Variants in KIAA0040 observed in about 807,000 individuals in gnomAD.
KIAA0040 encodes uncharacterized protein KIAA0040.
A neutral mutation model predicts 7.2 loss-of-function variants in KIAA0040; 10 were observed. That is an observed-to-expected ratio of 1.38 (90% CI 0.85 to 2.34). The LOEUF (loss-of-function observed/expected upper bound fraction) is 2.34. KIAA0040 is among the 30% of genes most tolerant of loss of function. KIAA0040 has a pLI of 0.00. For missense variants in KIAA0040, 89 were observed against 108.2 expected (o/e 0.82, Z 0.79); for synonymous variants, 49 against 40.1 (o/e 1.22, Z -0.84).
chr1:175,170,402 T>C (rs1298535125), intron 2 of KIAA0040, among the ~76,000 whole-genome samples: 1 of 152,142 alleles, frequency 6.6e-6, no homozygotes, highest in Admixed American at 6.5e-5. Flanking sequence ...AATCTGAATG[T>C]AACGCGCACT....
intron 1 of KIAA0040, among the ~76,000 whole-genome samples, chr1:175,186,205 T>C (rs952347815): frequency 6.6e-6 from 1 of 152,166 alleles, no homozygotes; most frequent in Admixed American, 6.5e-5. Flanking sequence ...TTCACCTCAA[T>C]TAAAAAAATG....
chr1:175,185,268 G>A (rs939766204), intron 1 of KIAA0040, among the ~76,000 whole-genome samples: 7 of 152,166 alleles, frequency 4.6e-5, no homozygotes, highest in African/African-American at 1.7e-4. Context: ...ACCTGTAGTA[G>A]TACCTATTTT....
At chr1:175,165,955 A>C (rs1442733738) in intron 3 of KIAA0040, among the ~76,000 whole-genome samples, 1 of 152,240 alleles carries the variant, frequency 6.6e-6, no homozygotes, top group Non-Finnish European at 1.5e-5. Context: ...TGTCTGTGAG[A>C]CAGTAAATAC....
chr1:175,187,591 T>C (rs1677711544), intron 1 of KIAA0040, among the ~76,000 whole-genome samples: 1 of 152,160 alleles, frequency 6.6e-6, no homozygotes. Context: ...CAGCATTCTT[T>C]TCTCTTATTT....
At chr1:175,176,669 C>CTTTTTT (rs34859478) in intron 2 of KIAA0040, among the ~76,000 whole-genome samples, 1,313 of 27,468 alleles carry the variant, frequency 0.048, 451 homozygotes, top group Admixed American at 0.078. Flanking sequence ...AAGTAGCATG[C>CTTTTTT]TTTTTTTTTT....
At chr1:175,182,615 G>C (rs908911375) in intron 1 of KIAA0040, among the ~76,000 whole-genome samples, 1 of 152,166 alleles carries the variant, frequency 6.6e-6, no homozygotes, top group African/African-American at 2.4e-5. Context: ...TTCAGTCTAC[G>C]CTCTCACCCA....
chr1:175,159,276 C>T lies in KIAA0040; in HGVS notation c.*1438G>A, dbSNP rs999654990. 1 of 152,286 alleles carries T rather than the reference C, an allele frequency of 6.6e-6. No homozygotes were observed. The highest frequency in any genetic ancestry group is 1.5e-5 in the Non-Finnish European group (1 of 68,048). 9.4% of individuals were successfully genotyped at this position (152,286 alleles called of 1,614,324 possible). A position where few individuals can be genotyped will look rare whatever the true frequency, so the allele number is the denominator to read the frequency against. On this transcript the variant is annotated 3_prime_UTR_variant, in exon 4 of 4. Transcript: ENST00000423313. ...AAGCCCTCCTCAGCTCACTGTGGAT[C>T]TAATTTACATGTCCTCACATACCTC...
rs1281157676 is a variant in KIAA0040, at chr1:175,161,014, G to A, written c.-1C>T. ...TGAAGAAGGCACTGATTCTCTCCAT[G>A]GTGCTTGGCTAGATTAGGGCCAGAG... On this transcript the variant is annotated 5_prime_UTR_variant, in exon 4 of 4. Transcript: ENST00000423313. 2.6e-6 allele frequency: 4 copies of A among 1,549,030 alleles called. No individual in the cohort carries two copies. The African/African-American group carries it at 4.1e-5, about 16-fold the overall frequency.
rs1044919161 is a variant in KIAA0040, at chr1:175,159,935, G to A, written c.*779C>T. 3.3e-5 allele frequency: 5 copies of A among 153,138 alleles called. No individual in the cohort carries two copies. Among genetic ancestry groups the A allele is most frequent in the African/African-American group, 7.2e-5 (3 of 41,418 alleles). 9.5% of individuals were successfully genotyped at this position (153,138 alleles called of 1,614,324 possible). On this transcript the variant is annotated 3_prime_UTR_variant, in exon 4 of 4. Coordinates refer to ENST00000423313, the MANE Select transcript of KIAA0040 (RefSeq NM_014656.3). ...AACACCTCTCAGTGGCAATGAGGACGGACTTTGTCATGAGTTACAAGAAAA... is the reference window on the plus strand; with the variant it reads ...AACACCTCTCAGTGGCAATGAGGACAGACTTTGTCATGAGTTACAAGAAAA...
At chr1:175,162,701 C>T (rs746594494) in intron 3 of KIAA0040, among the ~76,000 whole-genome samples, 2 of 152,138 alleles carry the variant, frequency 1.3e-5, no homozygotes, top group Non-Finnish European at 2.9e-5. Context: ...AGTCTAATTC[C>T]TTGGATAGCA....
chr1:175,175,825 A>G (rs1013777810), intron 2 of KIAA0040, among the ~76,000 whole-genome samples: 1 of 152,016 alleles, frequency 6.6e-6, no homozygotes, highest in African/African-American at 2.4e-5. Flanking sequence ...GAATTGAACA[A>G]TGAGAACACT....
intron 1 of KIAA0040, among the ~76,000 whole-genome samples, chr1:175,183,030 G>A (rs1343763642): frequency 6.6e-6 from 1 of 152,244 alleles, no homozygotes; most frequent in African/African-American, 2.4e-5. Context: ...GCTCAGGCCT[G>A]TAAAACTGAC....
intron 1 of KIAA0040, among the ~76,000 whole-genome samples, chr1:175,185,609 A>G (rs901799224): frequency 5.9e-5 from 9 of 152,242 alleles, no homozygotes; most frequent in African/African-American, 1.9e-4. Flanking sequence ...GTATGTTGAT[A>G]AAAATGAGGG....
intron 2 of KIAA0040, among the ~76,000 whole-genome samples, chr1:175,174,802 C>CAT (rs3835506): frequency 0.5 from 72,854 of 144,348 alleles, 18,151 homozygotes; most frequent in Non-Finnish European, 0.58. Flanking sequence ...TCTGTATATA[C>CAT]ATATATATAT....
At chr1:175,186,229 C>G (rs1408655625) in intron 1 of KIAA0040, among the ~76,000 whole-genome samples, 4 of 152,072 alleles carry the variant, frequency 2.6e-5, no homozygotes, top group African/African-American at 9.7e-5. Flanking sequence ...GAGGAAATAA[C>G]AAAATTTCTT....
chr1:175,190,838 G>GGGAGTTCACCCTTCTCAGTCTA (rs1236828636), intron 1 of KIAA0040, among the ~76,000 whole-genome samples: 2 of 152,180 alleles, frequency 1.3e-5, no homozygotes, highest in Non-Finnish European at 2.9e-5. Flanking sequence ...TCCTATAGGA[G>GGGAGTTCACCCTTCTCAGTCTA]GGAGTTCACC....
rs1676405460 is a variant in KIAA0040 at position 175,158,864 on chromosome 1, G to C, written c.*1850C>G. ...CAGGGTCATCTGTTAGAAAACCCTG[G>C]TGCAAGGGTCACCACTAAATGCCCA... is the stretch of plus-strand genomic sequence containing the variant. On this transcript the variant is annotated 3_prime_UTR_variant, in exon 4 of 4. Transcript: ENST00000423313. The C allele has an allele frequency of 6.6e-6, 1 of 152,116 alleles. No homozygotes were observed. The highest frequency in any genetic ancestry group is 2.1e-4 in the South Asian group (1 of 4,826). The allele number at this position is 152,116 out of a possible 1,614,324, so 9.4% of individuals were successfully genotyped here. A position where few individuals can be genotyped will look rare whatever the true frequency, so the allele number is the denominator to read the frequency against.
At chr1:175,164,154 C>G (rs1193995310) in intron 3 of KIAA0040, among the ~76,000 whole-genome samples, 1 of 152,156 alleles carries the variant, frequency 6.6e-6, no homozygotes, top group Non-Finnish European at 1.5e-5. Context: ...GGCTTTACAA[C>G]AGGAGAATGT....
chr1:175,160,697 C>T lies in KIAA0040; in HGVS notation c.*17G>A, dbSNP rs757311779. The T allele has an allele frequency of 6.5e-7, 1 of 1,536,562 alleles. No homozygotes were observed. Among genetic ancestry groups the T allele is most frequent in the South Asian group, 1.2e-5 (1 of 81,304 alleles). On this transcript the variant is annotated 3_prime_UTR_variant, in exon 4 of 4. Transcript: ENST00000423313. ...AGGCTTAGCCCCAGAAAGGAAACAC[C>T]TCTGCTTCCTGCCTAACTAAACAGG...
Sources: allele counts gnomAD v4.1 joint callset (sites outside exome capture counted in the v4.1 genomes callset), GRCh38; gene constraint gnomAD v4.1.1; transcripts MANE v1.5; gene names NCBI Gene and HGNC (gene_info 2026-07-23, HGNC 2026-07-21).